Variants in PCDH15 observed in about 807,000 individuals in gnomAD.
The protein encoded by PCDH15 is protocadherin related 15, also known as protocadherin-15.
A neutral mutation model predicts 178.5 loss-of-function variants in PCDH15; 129 were observed. That is an observed-to-expected ratio of 0.72 (90% CI 0.63 to 0.84). PCDH15 has a LOEUF of 0.84. Among genes scored for constraint, PCDH15 ranks in the 40% least tolerant of loss-of-function variants. The pLI, the probability that PCDH15 is intolerant of heterozygous loss-of-function variation, is 0.00. For synonymous variants in PCDH15, 800 were observed against 732.0 expected (o/e 1.09, Z -1.50); for missense variants, 2,230 against 2,099.9 (o/e 1.06, Z -1.21).
At chr10:55,287,617 C>T (rs1186774493) in intron 1 of PCDH15, among the ~76,000 whole-genome samples, 1 of 151,972 alleles carries the variant, frequency 6.6e-6, no homozygotes, top group Non-Finnish European at 1.5e-5. Flanking sequence ...GCTGCTCTCT[C>T]TCCAGGTCTA....
intron 2 of PCDH15, among the ~76,000 whole-genome samples, chr10:55,402,094 C>T (rs1482032727): frequency 3.5e-5 from 5 of 144,094 alleles, no homozygotes; most frequent in Non-Finnish European, 3.1e-5. Flanking sequence ...ACCTGAGTGA[C>T]CCATGGTGTT....
chr10:53,823,146 G>T, intron 32 of PCDH15: 1 of 1,613,816 alleles, frequency 6.2e-7, no homozygotes, highest in Non-Finnish European at 8.5e-7. Context: ...CTTATAAAGG[G>T]GATTATGGGC....
intron 2 of PCDH15, among the ~76,000 whole-genome samples, chr10:55,358,049 T>G: frequency 6.6e-6 from 1 of 152,098 alleles, no homozygotes; most frequent in East Asian, 1.9e-4. Context: ...AAAGCTATTT[T>G]AATGCTTTGA....
chr10:55,070,957 C>T (rs921596848), intron 2 of PCDH15, among the ~76,000 whole-genome samples: 5 of 152,020 alleles, frequency 3.3e-5, no homozygotes, highest in South Asian at 4.1e-4. Context: ...TTTCATTGAG[C>T]AGTGGTTTGT....
At chr10:55,152,828 T>C (rs1838769923) in intron 2 of PCDH15, among the ~76,000 whole-genome samples, 1 of 152,156 alleles carries the variant, frequency 6.6e-6, no homozygotes, top group Non-Finnish European at 1.5e-5. Context: ...TCAATGACTA[T>C]ATCATAAAAT....
chr10:54,476,004 CATATATATATGCATAGTGATTACATATAT>C (rs1565371130), intron 3 of PCDH15, among the ~76,000 whole-genome samples: 2 of 138,194 alleles, frequency 1.4e-5, no homozygotes, highest in South Asian at 2.6e-4. Context: ...TACATATATG[CATATATATATGCATAGTGATTACATATAT>C]ATATATATAT....
chr10:54,436,138 AAAGAAAGAAAGG>A lies in PCDH15; in HGVS notation c.158-57208_158-57197del, dbSNP rs564597123. 6.9e-3 allele frequency among the ~76,000 whole-genome samples: 1,003 copies of A among 144,608 alleles called. 5 individuals carry two copies. Among genetic ancestry groups the A allele is most frequent in the Non-Finnish European group, 1.0e-2 (676 of 67,766 alleles). The allele number at this position is 144,608 out of a possible 152,430, so 94.9% of individuals were successfully genotyped here. A position where few individuals can be genotyped will look rare whatever the true frequency, so the allele number is the denominator to read the frequency against. On this transcript the variant is annotated intron_variant, in intron 3 of 37. Transcript: ENST00000644397. ...AAGAAGGAAAGAAAGAAAGAAAAAG[AAAGAAAGAAAGG>A]AAGGAAGAAAGGAAGGAAGGAAGAA...
chr10:54,367,117 T>C (rs532858295), intron 5 of PCDH15, among the ~76,000 whole-genome samples: 16 of 152,218 alleles, frequency 1.1e-4, no homozygotes, highest in African/African-American at 3.6e-4. Context: ...GATCTTATTC[T>C]AGGCAAAATG....
At chr10:55,159,373 A>ATC (rs1564848978) in intron 2 of PCDH15, among the ~76,000 whole-genome samples, 202 of 4,926 alleles carry the variant, frequency 0.041, 1 homozygote, top group African/African-American at 0.046. Flanking sequence ...ATCTATCTAT[A>ATC]TATATATATA....
intron 1 of PCDH15, among the ~76,000 whole-genome samples, chr10:54,739,709 T>C (rs907767515): frequency 6.6e-6 from 1 of 151,842 alleles, no homozygotes; most frequent in Non-Finnish European, 1.5e-5. Context: ...TGTAACAGAA[T>C]AGAGAACCCA....
chr10:55,400,298 C>G (rs1024724973), intron 2 of PCDH15, among the ~76,000 whole-genome samples: 3 of 152,080 alleles, frequency 2.0e-5, no homozygotes, highest in African/African-American at 7.2e-5. Flanking sequence ...AGTGACTACA[C>G]AGACCAGGAA....
intron 1 of PCDH15, among the ~76,000 whole-genome samples, chr10:55,250,930 T>C (rs1841821211): frequency 6.6e-6 from 1 of 152,124 alleles, no homozygotes; most frequent in Non-Finnish European, 1.5e-5. Flanking sequence ...CAAATAATGC[T>C]CGGTAGGAAG....
At chr10:54,784,041 G>T (rs1178146232) in intron 1 of PCDH15, among the ~76,000 whole-genome samples, 1 of 1,184 alleles carries the variant, frequency 8.4e-4, no homozygotes, top group Non-Finnish European at 0.015. Context: ...CAAGTGAAGG[G>T]AGAAGAACTT....
intron 27 of PCDH15, among the ~76,000 whole-genome samples, chr10:53,866,380 T>C (rs1036770743): frequency 6.6e-6 from 1 of 151,416 alleles, no homozygotes; most frequent in Admixed American, 6.6e-5. Context: ...ACAATCATAT[T>C]TTTTCAAATA....
chr10:53,823,262 A>T (rs1308744253), intron 32 of PCDH15: 1 of 1,614,016 alleles, frequency 6.2e-7, no homozygotes, highest in Non-Finnish European at 8.5e-7. Context: ...CCTCAATAGT[A>T]TTGGAAGAAA....
intron 28 of PCDH15, among the ~76,000 whole-genome samples, chr10:53,852,308 G>A (rs900186046): frequency 6.6e-6 from 1 of 151,976 alleles, no homozygotes; most frequent in African/African-American, 2.4e-5. Context: ...AAAACCACAA[G>A]CCTTACAAAG....
intron 2 of PCDH15, among the ~76,000 whole-genome samples, chr10:55,522,123 A>G (rs1222573426): frequency 6.6e-6 from 1 of 151,936 alleles, no homozygotes; most frequent in Non-Finnish European, 1.5e-5. Context: ...GAACTTCCAT[A>G]CTGTTTTCCA....
chr10:54,866,479 T>C (rs1953944289), intron 3 of PCDH15, among the ~76,000 whole-genome samples: 1 of 152,164 alleles, frequency 6.6e-6, no homozygotes, highest in African/African-American at 2.4e-5. Flanking sequence ...ATAAGCACCT[T>C]GTTGTTAGCA....
chr10:55,068,788 T>C (rs1470849899), intron 2 of PCDH15, among the ~76,000 whole-genome samples: 1 of 149,812 alleles, frequency 6.7e-6, no homozygotes, highest in Non-Finnish European at 1.5e-5. Flanking sequence ...TGTGTGTGCG[T>C]GCACGTGTGT....
Sources: gnomAD v4.1 joint callset for allele counts (sites outside exome capture counted in the v4.1 genomes callset) on GRCh38, gnomAD v4.1.1 for gene constraint, MANE v1.5 for transcripts, NCBI Gene and HGNC (gene_info 2026-07-23, HGNC 2026-07-21) for gene names.